Variants in PHACTR3 observed in about 807,000 individuals in gnomAD.
PHACTR3 encodes phosphatase and actin regulator 3.
PHACTR3 carries 16 observed loss-of-function variants against 66.8 expected under a neutral mutation model. The observed-to-expected ratio is 0.24, with a 90% CI of 0.16 to 0.36. The LOEUF is 0.36. Among genes scored for constraint, PHACTR3 ranks in the 10% least tolerant of loss-of-function variants. The pLI is 1.00. For missense variants in PHACTR3, 647 were observed against 719.9 expected (o/e 0.90, Z 1.16); for synonymous variants, 323 against 292.1 (o/e 1.11, Z -1.08).
chr20:59,655,340 T>G (rs1346175505), intron 1 of PHACTR3, among the ~76,000 whole-genome samples: 2 of 152,074 alleles, frequency 1.3e-5, no homozygotes, highest in Non-Finnish European at 2.9e-5. Flanking sequence ...AAACTTTAAT[T>G]GTTTTAAATA....
intron 1 of PHACTR3, among the ~76,000 whole-genome samples, chr20:59,582,797 C>T (rs867733010): frequency 7.9e-5 from 12 of 152,158 alleles, no homozygotes; most frequent in Non-Finnish European, 1.6e-4. Flanking sequence ...TGAGCGCCGT[C>T]GATCTGATCT....
Position 59,673,265 on chromosome 20 carries a change from C to T in PHACTR3, c.118+68133C>T, listed in dbSNP as rs147311799. Among the ~76,000 whole-genome samples, 719 of 152,282 alleles carry T rather than the reference C, an allele frequency of 4.7e-3. 4 individuals are homozygous for T. Among genetic ancestry groups the T allele is most frequent in the Non-Finnish European group, 8.4e-3 (570 of 68,014 alleles). On this transcript the variant is annotated intron_variant, in intron 1 of 12. Coordinates refer to ENST00000371015, the MANE Select transcript of PHACTR3 (RefSeq NM_080672.5). Reference sequence around the variant, plus strand: ...GAGCCTCTTTGGGTCTTAGTCTGCTCATCTGTAGAATGGGAATAGAATCCT... The same window carrying T: ...GAGCCTCTTTGGGTCTTAGTCTGCTTATCTGTAGAATGGGAATAGAATCCT...
chr20:59,755,252 G>T lies in PHACTR3; in HGVS notation c.429G>T (p.Lys143Asn). ...RSVQSEPPTPKSETLTSEDAQ... is the reference protein window; with the variant it reads ...RSVQSEPPTPNSETLTSEDAQ... ...TACAGAGTGAACCACCCACTCCCAA[G>T]TCGGAGACGCTGACTTCAGAAGATG... Residue 143 changes from lysine to asparagine, a missense_variant, in exon 4 of 13, where the codon AAG (lysine) becomes AAT (asparagine). Physicochemically the swap from Lys to Asn is moderately conservative, Grantham distance 94. Coordinates refer to ENST00000371015, the MANE Select transcript of PHACTR3 (RefSeq NM_080672.5). The T allele has an allele frequency of 6.2e-7, 1 of 1,613,934 alleles. No individual in the cohort carries two copies. Among genetic ancestry groups the T allele is most frequent in the Non-Finnish European group, 8.5e-7 (1 of 1,180,028 alleles).
At chr20:59,767,688 C>T (rs968700361) in intron 5 of PHACTR3, among the ~76,000 whole-genome samples, 1 of 152,206 alleles carries the variant, frequency 6.6e-6, no homozygotes, top group Non-Finnish European at 1.5e-5. Flanking sequence ...AGTCTCTTTG[C>T]AGGAGTCAAA....
At chr20:59,698,234 A>G (rs2037370526) in intron 1 of PHACTR3, among the ~76,000 whole-genome samples, 1 of 152,142 alleles carries the variant, frequency 6.6e-6, no homozygotes, top group Admixed American at 6.5e-5. Flanking sequence ...TTGTAAACCT[A>G]CCCACCCCAA....
intron 1 of PHACTR3, among the ~76,000 whole-genome samples, chr20:59,732,968 G>A (rs137874908): frequency 2.0e-4 from 31 of 151,996 alleles, no homozygotes; most frequent in African/African-American, 7.0e-4. Flanking sequence ...TACAGATTTT[G>A]ATGAATGAAC....
intron 1 of PHACTR3, among the ~76,000 whole-genome samples, chr20:59,724,751 C>T (rs1362752155): frequency 6.6e-6 from 1 of 152,194 alleles, no homozygotes; most frequent in African/African-American, 2.4e-5. Context: ...CGCTCTCAAG[C>T]GACTCTCCCC....
intron 1 of PHACTR3, among the ~76,000 whole-genome samples, chr20:59,610,691 A>G (rs2033820050): frequency 6.6e-6 from 1 of 152,218 alleles, no homozygotes; most frequent in South Asian, 2.1e-4. Flanking sequence ...TTCCTTGCAG[A>G]CAGCTTTGTT....
At chr20:59,684,386 G>A (rs1489268638) in intron 1 of PHACTR3, among the ~76,000 whole-genome samples, 2 of 152,160 alleles carry the variant, frequency 1.3e-5, no homozygotes, top group Non-Finnish European at 2.9e-5. Context: ...TCAGCTGGTG[G>A]GTTTTGTTTC....
chr20:59,605,846 C>CGGGGGGGGGG (rs200107140), intron 1 of PHACTR3, among the ~76,000 whole-genome samples: 7 of 7,760 alleles, frequency 9.0e-4, no homozygotes, highest in African/African-American at 5.6e-3. Context: ...CCTAATAAAG[C>CGGGGGGGGGG]GGGGGGGGAG....
intron 1 of PHACTR3, among the ~76,000 whole-genome samples, chr20:59,684,689 C>T (rs963000646): frequency 3.3e-5 from 5 of 152,218 alleles, no homozygotes; most frequent in Admixed American, 1.3e-4. Flanking sequence ...CGCAGGAATC[C>T]GGAAGCGCCT....
intron 1 of PHACTR3, among the ~76,000 whole-genome samples, chr20:59,671,484 G>A (rs1445010334): frequency 2.0e-5 from 3 of 152,240 alleles, no homozygotes; most frequent in Non-Finnish European, 2.9e-5. Flanking sequence ...TCAAAAACAG[G>A]TGGCCCGTGG....
chr20:59,774,566 C>A, intron 7 of PHACTR3, 76 bp downstream of exon 7: 1 of 1,536,754 alleles, frequency 6.5e-7, no homozygotes, highest in Non-Finnish European at 8.7e-7. Context: ...GAGGACAGAG[C>A]TCGTGCCTGG....
chr20:59,642,973 A>G (rs776393451), intron 1 of PHACTR3, among the ~76,000 whole-genome samples: 1 of 152,134 alleles, frequency 6.6e-6, no homozygotes, highest in East Asian at 1.9e-4. Context: ...GTGCAGTGGC[A>G]CGATCTTGGC....
intron 1 of PHACTR3, among the ~76,000 whole-genome samples, chr20:59,666,762 G>A (rs543949247): frequency 1.3e-5 from 2 of 152,306 alleles, no homozygotes; most frequent in South Asian, 2.1e-4. Flanking sequence ...AAGCAGGGGC[G>A]GGAGCCCACT....
At chr20:59,720,299 T>A (rs558956328) in intron 1 of PHACTR3, among the ~76,000 whole-genome samples, 1 of 152,168 alleles carries the variant, frequency 6.6e-6, no homozygotes, top group Non-Finnish European at 1.5e-5. Context: ...CCATAATACA[T>A]GATCAATAAA....
intron 1 of PHACTR3, among the ~76,000 whole-genome samples, chr20:59,681,173 C>G (rs1327275438): frequency 6.6e-6 from 1 of 152,254 alleles, no homozygotes; most frequent in Admixed American, 6.5e-5. Context: ...TAGATCCACA[C>G]AACTGAAAAT....
In PHACTR3 at chr20:59,830,287, C is replaced by T. The variant is rs1240857593; in HGVS notation, c.1329-6218C>T. On this transcript the variant is annotated intron_variant, in intron 8 of 12. Transcript: ENST00000371015. The surrounding 1 kb of genome is among the most constrained non-coding windows in gnomAD (Gnocchi z 5.8). The stretch of plus-strand genomic sequence containing the variant: ...AGAGGGTATGAGTGTCTGATGGAAG[C>T]AAGTGAGTGATGGACAGTGTGAGTA... Among the ~76,000 whole-genome samples, 1 of 133,942 alleles carries T rather than the reference C, an allele frequency of 7.5e-6. No individual in the cohort carries two copies. Among genetic ancestry groups the T allele is most frequent in the Non-Finnish European group, 1.6e-5 (1 of 63,980 alleles). The allele number at this position is 133,942 out of a possible 152,430, so 87.9% of individuals were successfully genotyped here. A position where few individuals can be genotyped will look rare whatever the true frequency, so the allele number is the denominator to read the frequency against.
At position 59,622,988 on chromosome 20, in the gene PHACTR3, A is replaced by AAAAAAAAAAAAAAAAAAAAC. The variant is rs1568940541; in HGVS notation, c.118+17869_118+17870insAAAAAACAAAAAAAAAAAAA. 2.8e-5 allele frequency among the ~76,000 whole-genome samples: 4 copies of AAAAAAAAAAAAAAAAAAAAC among 143,746 alleles called. No individual in the cohort carries two copies. The South Asian group carries it at 8.9e-4, about 32-fold the overall frequency. 94.3% of individuals were successfully genotyped at this position (143,746 alleles called of 152,430 possible). A position where few individuals can be genotyped will look rare whatever the true frequency, so the allele number is the denominator to read the frequency against. On this transcript the variant is annotated intron_variant, in intron 1 of 12. Transcript: ENST00000371015. ...TTTTACAGCAGCTTTAACCAAAAAA[A>AAAAAAAAAAAAAAAAAAAAC]AAAAAAAAAAAAACCCAAATCTTCA...
Sources: allele counts gnomAD v4.1 joint callset (sites outside exome capture counted in the v4.1 genomes callset), GRCh38; gene constraint gnomAD v4.1.1; non-coding constraint Gnocchi (gnomAD v3.1); transcripts MANE v1.5; gene names NCBI Gene and HGNC (gene_info 2026-07-23, HGNC 2026-07-21).